Variants in NEGR1 observed in about 807,000 individuals in gnomAD.
NEGR1 encodes IgLON family member 4.
In NEGR1, 10 loss-of-function variants were observed where a neutral mutation model predicts 40.9. That is an observed-to-expected ratio of 0.24 (90% CI 0.15 to 0.42). The LOEUF is 0.42. Among genes scored for constraint, NEGR1 ranks in the 10% least tolerant of loss-of-function variants. The pLI is 1.00. For missense variants in NEGR1, 352 were observed against 438.9 expected (o/e 0.80, Z 1.77); for synonymous variants, 185 against 166.8 (o/e 1.11, Z -0.84).
intron 4 of NEGR1, among the ~76,000 whole-genome samples, chr1:71,683,026 T>C (rs1414414789): frequency 6.6e-6 from 1 of 152,150 alleles, no homozygotes; most frequent in Non-Finnish European, 1.5e-5. Context: ...TTTTTCTTTC[T>C]TTATAAATTA....
chr1:72,016,433 A>G (rs1257366287), intron 1 of NEGR1, among the ~76,000 whole-genome samples: 2 of 152,150 alleles, frequency 1.3e-5, no homozygotes, highest in African/African-American at 4.8e-5. Context: ...TGCCTTTGGA[A>G]TCCACACTCT....
At chr1:71,513,168 T>C (rs564079229) in intron 6 of NEGR1, among the ~76,000 whole-genome samples, 2 of 100,894 alleles carry the variant, frequency 2.0e-5, no homozygotes, top group South Asian at 6.1e-4. Flanking sequence ...CTACATATAA[T>C]TCAAAAACTT....
At chr1:71,764,197 T>C (rs1656043675) in intron 3 of NEGR1, among the ~76,000 whole-genome samples, 1 of 152,138 alleles carries the variant, frequency 6.6e-6, no homozygotes, top group Non-Finnish European at 1.5e-5. Flanking sequence ...TAGAAATTTG[T>C]CAATTGAATA....
At chr1:71,553,565 T>C (rs1038831977) in intron 6 of NEGR1, among the ~76,000 whole-genome samples, 1 of 151,506 alleles carries the variant, frequency 6.6e-6, no homozygotes, top group Non-Finnish European at 1.5e-5. Flanking sequence ...GATAAAAAGG[T>C]TTAAAAAGGC....
At chr1:71,764,557 T>C (rs1656055434) in intron 3 of NEGR1, among the ~76,000 whole-genome samples, 1 of 152,130 alleles carries the variant, frequency 6.6e-6, no homozygotes, top group Non-Finnish European at 1.5e-5. Flanking sequence ...CAGAGACAAC[T>C]CGCAACATCA....
intron 6 of NEGR1, among the ~76,000 whole-genome samples, chr1:71,471,531 A>C (rs1646782180): frequency 6.6e-6 from 1 of 152,036 alleles, no homozygotes; most frequent in Non-Finnish European, 1.5e-5. Flanking sequence ...CTGTAGTCCC[A>C]GTTACTCAGG....
intron 1 of NEGR1, among the ~76,000 whole-genome samples, chr1:71,986,313 T>C (rs1646393484): frequency 6.6e-6 from 1 of 152,210 alleles, no homozygotes; most frequent in Non-Finnish European, 1.5e-5. Context: ...CAATAGTGCA[T>C]TATGAGACTT....
intron 4 of NEGR1, among the ~76,000 whole-genome samples, chr1:71,675,312 A>G (rs1191179518): frequency 6.6e-6 from 1 of 150,946 alleles, no homozygotes; most frequent in Non-Finnish European, 1.5e-5. Flanking sequence ...GAGTCCTTGC[A>G]TAAAAACATC....
At chr1:71,799,051 T>C (rs988760215) in intron 2 of NEGR1, among the ~76,000 whole-genome samples, 17 of 151,970 alleles carry the variant, frequency 1.1e-4, no homozygotes, top group Admixed American at 6.6e-5. Context: ...ATGGTGTTTT[T>C]TTTTTTTTAT....
intron 6 of NEGR1, among the ~76,000 whole-genome samples, chr1:71,573,808 G>A (rs990525754): frequency 3.3e-5 from 5 of 152,100 alleles, no homozygotes; most frequent in Non-Finnish European, 7.4e-5. Flanking sequence ...TCGAAGCCCA[G>A]AATCTAGATT....
chr1:72,205,920 G>A (rs1391824362), intron 1 of NEGR1, among the ~76,000 whole-genome samples: 1 of 149,644 alleles, frequency 6.7e-6, no homozygotes, highest in East Asian at 2.0e-4. Context: ...TTCAGCTTGG[G>A]CGAAAGAGCA....
At chr1:71,497,832 C>T (rs757876898) in intron 6 of NEGR1, among the ~76,000 whole-genome samples, 9 of 152,034 alleles carry the variant, frequency 5.9e-5, no homozygotes, top group African/African-American at 9.7e-5. Context: ...TTAGAACTTC[C>T]CTTTCCATTT....
At chr1:71,783,324 T>C (rs1342166112) in intron 2 of NEGR1, among the ~76,000 whole-genome samples, 1 of 152,182 alleles carries the variant, frequency 6.6e-6, no homozygotes, top group Non-Finnish European at 1.5e-5. Flanking sequence ...CTACGTTACA[T>C]AACAAACCTC....
At chr1:72,057,856 A>G (rs1262210818) in intron 1 of NEGR1, among the ~76,000 whole-genome samples, 1 of 151,278 alleles carries the variant, frequency 6.6e-6, no homozygotes, top group Non-Finnish European at 1.5e-5. Flanking sequence ...CTCTTCTTAT[A>G]ATGGCACCAG....
chr1:71,689,946 A>T (rs1401540387), intron 4 of NEGR1, among the ~76,000 whole-genome samples: 6 of 152,102 alleles, frequency 3.9e-5, no homozygotes, highest in Non-Finnish European at 5.9e-5. Context: ...GAGAGAATAG[A>T]TAAATAAGAA....
chr1:71,800,282 T>C (rs778374201), intron 2 of NEGR1, among the ~76,000 whole-genome samples: 2 of 152,214 alleles, frequency 1.3e-5, no homozygotes, highest in Non-Finnish European at 2.9e-5. Context: ...AAAATTTTTC[T>C]CCCATTCTTT....
At chr1:71,817,319 G>C (rs1335572222) in intron 2 of NEGR1, among the ~76,000 whole-genome samples, 1 of 152,078 alleles carries the variant, frequency 6.6e-6, no homozygotes, top group African/African-American at 2.4e-5. Flanking sequence ...GTAGTACAAA[G>C]TGCCTGCCAG....
At chr1:71,971,804 T>TG (rs2100320067) in intron 1 of NEGR1, among the ~76,000 whole-genome samples, 1 of 152,344 alleles carries the variant, frequency 6.6e-6, no homozygotes, top group Admixed American at 6.5e-5. Flanking sequence ...ATTCATAGTC[T>TG]GCTCTTAAAT....
intron 6 of NEGR1, chr1:71,439,981 T>C (rs2101310509): frequency 6.6e-6 from 1 of 152,262 alleles, no homozygotes; most frequent in African/African-American, 2.4e-5. Context: ...TTAAGGAACA[T>C]AGTACTTCCT....
Sources: allele counts gnomAD v4.1 joint callset (sites outside exome capture counted in the v4.1 genomes callset), GRCh38; gene constraint gnomAD v4.1.1; transcripts MANE v1.5; gene names NCBI Gene and HGNC (gene_info 2026-07-23, HGNC 2026-07-21).